The following FGF13 variants were observed in gnomAD, a reference collection of about 807,000 sequenced individuals.
FGF13 encodes fibroblast growth factor homologous factor 2.
FGF13 carries 2 observed loss-of-function variants against 19.5 expected under a neutral mutation model. The observed-to-expected ratio is 0.10, with a 90% confidence interval of 0.04 to 0.32. The LOEUF is 0.32. FGF13 is among the 10% of genes least tolerant of loss of function. FGF13 has a pLI of 1.00. For missense variants in FGF13, 113 were observed against 192.7 expected (o/e 0.59, Z 2.45); for synonymous variants, 72 against 76.9 (o/e 0.94, Z 0.33).
chrX:139,055,810 T>C (rs2092319258), intron 1 of FGF13, among the ~76,000 whole-genome samples: 1 of 112,553 alleles, frequency 8.9e-6, no homozygotes, highest in Admixed American at 9.4e-5. Flanking sequence ...AATTTTATGT[T>C]TATTTTTGCT....
Position 138,626,011 on chromosome X carries a change from G to C in FGF13, c.*6839C>G, listed in dbSNP as rs1231219200. On this transcript the variant is annotated 3_prime_UTR_variant, in exon 5 of 5. Transcript: ENST00000315930. ...TAGGGCAATCTTCTATAGCCTAATA[G>C]GCAAGGTTGTGAATCATACTTTGCT... is the stretch of plus-strand genomic sequence containing the variant. 1 of 111,342 alleles carries C rather than the reference G, an allele frequency of 9.0e-6. No individual in the cohort carries two copies. The highest frequency in any genetic ancestry group is 1.9e-5 in the Non-Finnish European group (1 of 53,098). 9.2% of individuals were successfully genotyped at this position (111,342 alleles called of 1,213,427 possible). A position where few individuals can be genotyped will look rare whatever the true frequency, so the allele number is the denominator to read the frequency against.
chrX:138,854,219 T>C (rs1407785464), downstream of FGF13, among the ~76,000 whole-genome samples: 1 of 111,874 alleles, frequency 8.9e-6, no homozygotes, highest in Non-Finnish European at 1.9e-5. Flanking sequence ...TCACATAATA[T>C]TATATCATAA....
chrX:138,676,585 T>A (rs1250715416), intron 3 of FGF13, among the ~76,000 whole-genome samples: 1 of 111,613 alleles, frequency 9.0e-6, no homozygotes, highest in Non-Finnish European at 1.9e-5. Flanking sequence ...GGGACTGATT[T>A]CATGGGAGAA....
chrX:138,968,739 C>T (rs886223609), intron 1 of FGF13, among the ~76,000 whole-genome samples: 1 of 112,157 alleles, frequency 8.9e-6, no homozygotes, highest in Non-Finnish European at 1.9e-5. Flanking sequence ...AGATGTCATA[C>T]TTGCAAGCTG....
At chrX:138,650,413 T>C (rs2089356721) in intron 3 of FGF13, among the ~76,000 whole-genome samples, 1 of 111,650 alleles carries the variant, frequency 9.0e-6, no homozygotes, top group Non-Finnish European at 1.9e-5. Context: ...TAAAACCAGA[T>C]CTTTCAGAAT....
chrX:139,092,237 T>A (rs1216049079), intron 1 of FGF13, among the ~76,000 whole-genome samples: 1 of 112,282 alleles, frequency 8.9e-6, no homozygotes, highest in Non-Finnish European at 1.9e-5. Flanking sequence ...ACACCCATCT[T>A]ATTCCTTAGA....
intron 1 of FGF13, among the ~76,000 whole-genome samples, chrX:139,056,583 T>C (rs1482118703): frequency 1.8e-5 from 2 of 112,436 alleles, no homozygotes; most frequent in Non-Finnish European, 3.8e-5. Flanking sequence ...AGATTCTCAT[T>C]TGGTATGAAA....
intron 1 of FGF13, among the ~76,000 whole-genome samples, chrX:138,910,274 G>T (rs1291225483): frequency 9.0e-6 from 1 of 110,934 alleles, no homozygotes; most frequent in Admixed American, 9.6e-5. Flanking sequence ...GGTCATTTTT[G>T]ATCACAAAGA....
chrX:138,670,376 T>A (rs182365787), intron 3 of FGF13, among the ~76,000 whole-genome samples: 2 of 111,973 alleles, frequency 1.8e-5, no homozygotes, highest in Admixed American at 1.9e-4. Flanking sequence ...ATAAAGATGA[T>A]GCATGCATAA....
intron 2 of FGF13, among the ~76,000 whole-genome samples, chrX:138,859,277 C>T (rs761778624): frequency 8.9e-6 from 1 of 111,804 alleles, no homozygotes; most frequent in Non-Finnish European, 1.9e-5. Context: ...TCCAGCATCA[C>T]AGCTGAAGAC....
chrX:139,135,688 T>C (rs1410138820), intron 1 of FGF13, among the ~76,000 whole-genome samples: 1 of 111,612 alleles, frequency 9.0e-6, no homozygotes, highest in Non-Finnish European at 1.9e-5. Context: ...CTATGTGCCA[T>C]GTTTCTGCAA....
At chrX:138,683,249 A>C (rs1427192206) in intron 3 of FGF13, among the ~76,000 whole-genome samples, 1 of 111,318 alleles carries the variant, frequency 9.0e-6, no homozygotes, top group Non-Finnish European at 1.9e-5. Context: ...GAAACACAGT[A>C]AGATCAATGA....
chrX:139,198,179 C>T (rs2084389046), intron 1 of FGF13, among the ~76,000 whole-genome samples: 1 of 110,474 alleles, frequency 9.1e-6, no homozygotes, highest in Non-Finnish European at 1.9e-5. Context: ...AAGATCTGTA[C>T]ATGTTACTAC....
chrX:138,787,482 T>C (rs1037432367), intron 3 of FGF13, among the ~76,000 whole-genome samples: 83 of 112,459 alleles, frequency 7.4e-4, no homozygotes, highest in African/African-American at 2.6e-3. Context: ...CCAACTTCCC[T>C]TTGTCTCTTC....
intron 3 of FGF13, among the ~76,000 whole-genome samples, chrX:138,787,403 T>G (rs1047428240): frequency 8.9e-6 from 1 of 112,244 alleles, no homozygotes; most frequent in Non-Finnish European, 1.9e-5. Context: ...TTCTTGAGGC[T>G]AGAAATTCAA....
intron 1 of FGF13, among the ~76,000 whole-genome samples, chrX:138,895,525 T>C (rs941421453): frequency 8.9e-6 from 1 of 112,032 alleles, no homozygotes; most frequent in Non-Finnish European, 1.9e-5. Context: ...ATGGTCATTA[T>C]CACATAGATA....
chrX:139,039,208 A>G (rs1297687225), intron 1 of FGF13, among the ~76,000 whole-genome samples: 1 of 112,270 alleles, frequency 8.9e-6, no homozygotes, highest in Non-Finnish European at 1.9e-5. Context: ...ACAAAGTGGC[A>G]TTCATTATCC....
At chrX:139,016,608 C>A (rs943001623) in intron 1 of FGF13, among the ~76,000 whole-genome samples, 1 of 112,209 alleles carries the variant, frequency 8.9e-6, no homozygotes, top group Non-Finnish European at 1.9e-5. Context: ...CAGCTGGACT[C>A]GGGAGGTCTC....
At chrX:138,758,406 G>C (rs2090444932) in intron 3 of FGF13, among the ~76,000 whole-genome samples, 1 of 111,798 alleles carries the variant, frequency 8.9e-6, no homozygotes, top group Admixed American at 9.5e-5. Flanking sequence ...CCCAGCTAGA[G>C]CAATCAACAG....
Sources: gnomAD v4.1 joint callset for allele counts (sites outside exome capture counted in the v4.1 genomes callset) on GRCh38, gnomAD v4.1.1 for gene constraint, MANE v1.5 for transcripts, NCBI Gene and HGNC (gene_info 2026-07-23, HGNC 2026-07-21) for gene names.